The following AUTS2 variants were observed in gnomAD, a reference collection of about 807,000 sequenced individuals.
The protein encoded by AUTS2 is autism susceptibility gene 2 protein.
AUTS2 carries 17 observed loss-of-function variants against 112.4 expected under a neutral mutation model. The observed-to-expected ratio is 0.15, with a 90% CI of 0.10 to 0.23. AUTS2 has a LOEUF of 0.23. Ranked by LOEUF, AUTS2 falls within the 10% of genes least tolerant of loss-of-function variation. The pLI, the probability that AUTS2 is intolerant of heterozygous loss-of-function variation, is 1.00. For synonymous variants in AUTS2, 751 were observed against 702.7 expected (o/e 1.07, Z -1.09); for missense variants, 1,510 against 1,701.6 (o/e 0.89, Z 1.98).
chr7:70,126,661 G>A (rs186447116), intron 3 of AUTS2, among the ~76,000 whole-genome samples: 191 of 152,252 alleles, frequency 1.3e-3, no homozygotes, highest in African/African-American at 4.5e-3. Flanking sequence ...TGTAACTGAG[G>A]AAATTTGTCA....
chr7:70,340,417 A>C (rs1045264687), intron 4 of AUTS2, among the ~76,000 whole-genome samples: 3 of 152,124 alleles, frequency 2.0e-5, no homozygotes, highest in Non-Finnish European at 4.4e-5. Flanking sequence ...AAAGATCTGA[A>C]TCTCACTATT....
chr7:69,847,379 G>A (rs979551981), intron 1 of AUTS2, among the ~76,000 whole-genome samples: 1 of 152,264 alleles, frequency 6.6e-6, no homozygotes, highest in South Asian at 2.1e-4. Context: ...TTCTTGTCCC[G>A]CAGCAAATTC....
At chr7:70,683,134 A>G (rs999922817) in intron 5 of AUTS2, among the ~76,000 whole-genome samples, 4 of 152,240 alleles carry the variant, frequency 2.6e-5, no homozygotes, top group African/African-American at 9.6e-5. Context: ...AGCAACCACA[A>G]TGGTTAATGA....
intron 6 of AUTS2, among the ~76,000 whole-genome samples, chr7:70,743,932 A>G (rs916357850): frequency 6.6e-5 from 10 of 152,198 alleles, no homozygotes; most frequent in Admixed American, 1.3e-4. Context: ...CTGCATTTTC[A>G]AAAAGCAGGA....
At chr7:70,543,149 A>G (rs1800621996) in intron 5 of AUTS2, among the ~76,000 whole-genome samples, 2 of 152,204 alleles carry the variant, frequency 1.3e-5, no homozygotes, top group Admixed American at 6.5e-5. Flanking sequence ...GGAATTCAGT[A>G]AAGTTTTAGA....
intron 4 of AUTS2, among the ~76,000 whole-genome samples, chr7:70,378,408 A>G (rs1793213817): frequency 6.6e-6 from 1 of 152,222 alleles, no homozygotes; most frequent in Non-Finnish European, 1.5e-5. Context: ...AAATTTTATA[A>G]TAAAGAATTC....
At chr7:70,171,036 G>A (rs989846920) in intron 4 of AUTS2, among the ~76,000 whole-genome samples, 5 of 152,262 alleles carry the variant, frequency 3.3e-5, no homozygotes, top group South Asian at 4.1e-4. Context: ...AATGATAGAC[G>A]GAAATTTCAG....
At chr7:70,487,301 G>A (rs540665472) in intron 5 of AUTS2, among the ~76,000 whole-genome samples, 32 of 152,220 alleles carry the variant, frequency 2.1e-4, no homozygotes, top group African/African-American at 5.5e-4. Flanking sequence ...AAAATATGGC[G>A]TGTTTACAGA....
At chr7:70,666,485 T>C (rs952355031) in intron 5 of AUTS2, among the ~76,000 whole-genome samples, 1 of 152,202 alleles carries the variant, frequency 6.6e-6, no homozygotes, top group Non-Finnish European at 1.5e-5. Flanking sequence ...AAGGCGACAG[T>C]TGGCAAATAC....
intron 5 of AUTS2, among the ~76,000 whole-genome samples, chr7:70,602,733 A>G (rs967785344): frequency 1.3e-5 from 2 of 152,194 alleles, no homozygotes; most frequent in South Asian, 2.1e-4. Context: ...GAACACATTC[A>G]ACACAAAACT....
chr7:70,783,914 T>C (rs1444980868), intron 15 of AUTS2: 1 of 152,188 alleles, frequency 6.6e-6, no homozygotes, highest in Non-Finnish European at 1.5e-5. Flanking sequence ...CTAATTCACA[T>C]TTGCACACTC....
intron 2 of AUTS2, among the ~76,000 whole-genome samples, chr7:70,060,015 A>G (rs1802171535): frequency 6.6e-6 from 1 of 152,164 alleles, no homozygotes; most frequent in South Asian, 2.1e-4. Flanking sequence ...AGTTAATTAG[A>G]TTTTCTTATA....
intron 5 of AUTS2, among the ~76,000 whole-genome samples, chr7:70,591,898 A>G (rs1802966208): frequency 6.6e-6 from 1 of 152,198 alleles, no homozygotes; most frequent in Non-Finnish European, 1.5e-5. Flanking sequence ...CAGCCACCAG[A>G]CATGTAGAAA....
chr7:70,605,815 A>G (rs1803729706), intron 5 of AUTS2, among the ~76,000 whole-genome samples: 1 of 152,212 alleles, frequency 6.6e-6, no homozygotes, highest in Non-Finnish European at 1.5e-5. Flanking sequence ...CAAAGGACAA[A>G]GAGAAGATTG....
chr7:70,681,905 C>T (rs1375374381), intron 5 of AUTS2, among the ~76,000 whole-genome samples: 5 of 152,284 alleles, frequency 3.3e-5, no homozygotes, highest in Non-Finnish European at 2.9e-5. Context: ...TTCACACTCC[C>T]GAGGCCGTCA....
chr7:70,094,098 A>G (rs1804063172), intron 2 of AUTS2, among the ~76,000 whole-genome samples: 1 of 152,214 alleles, frequency 6.6e-6, no homozygotes, highest in Non-Finnish European at 1.5e-5. Flanking sequence ...TTCAATGAAT[A>G]GTCCTTTGAG....
At chr7:69,621,332 T>C in intron 1 of AUTS2, among the ~76,000 whole-genome samples, 1 of 152,180 alleles carries the variant, frequency 6.6e-6, no homozygotes, top group East Asian at 1.9e-4. Flanking sequence ...TTTATTCTGA[T>C]GTTGCTTTTA....
chr7:69,649,461 G>A (rs1309063775), intron 1 of AUTS2, among the ~76,000 whole-genome samples: 1 of 152,106 alleles, frequency 6.6e-6, no homozygotes, highest in East Asian at 1.9e-4. Context: ...CCAACAACCC[G>A]TGGTCCAGTT....
chr7:69,767,476 A>G (rs979778913), intron 1 of AUTS2, among the ~76,000 whole-genome samples: 2 of 152,170 alleles, frequency 1.3e-5, no homozygotes, highest in African/African-American at 4.8e-5. Flanking sequence ...CACCAGCCTA[A>G]AAAGACATTT....
Sources: allele counts gnomAD v4.1 joint callset (sites outside exome capture counted in the v4.1 genomes callset), GRCh38; gene constraint gnomAD v4.1.1; transcripts MANE v1.5; gene names NCBI Gene and HGNC (gene_info 2026-07-23, HGNC 2026-07-21).